The following CNTN4 variants were observed in gnomAD, a reference collection of about 807,000 sequenced individuals.
CNTN4 encodes the protein contactin-4.
In CNTN4, 77 loss-of-function variants were observed where a neutral mutation model predicts 122.5. The ratio of observed to expected loss-of-function variants is 0.63; its 90% CI spans 0.52 to 0.76. The LOEUF is 0.76. Among genes scored for constraint, CNTN4 ranks in the 30% least tolerant of loss-of-function variants. The probability of loss-of-function intolerance (pLI) is 0.00; values close to 1 mark genes in which losing one functional copy is unlikely to be tolerated. For missense variants in CNTN4, 1,256 were observed against 1,259.1 expected (o/e 1.00, Z 0.04); for synonymous variants, 512 against 447.0 (o/e 1.15, Z -1.83).
intron 2 of CNTN4, among the ~76,000 whole-genome samples, chr3:2,137,760 C>T (rs2034771750): frequency 6.6e-6 from 1 of 152,152 alleles, no homozygotes; most frequent in Non-Finnish European, 1.5e-5. Flanking sequence ...ATAGGGCAGT[C>T]AGTCTTGGAA....
chr3:3,042,917 T>A, intron 21 of CNTN4, 60 bp from the exon 22 acceptor site: 3 of 1,363,988 alleles, frequency 2.2e-6, no homozygotes, highest in Non-Finnish European at 3.1e-6. Flanking sequence ...AATTACCTGA[T>A]GACATTGCAA....
intron 3 of CNTN4, among the ~76,000 whole-genome samples, chr3:2,469,708 A>G (rs1416836486): frequency 6.6e-6 from 1 of 152,200 alleles, no homozygotes; most frequent in African/African-American, 2.4e-5. Flanking sequence ...GTGTCAGTAC[A>G]AAAACAGGCC....
chr3:2,495,817 G>A lies in CNTN4; in HGVS notation c.-88-75599G>A, dbSNP rs145120091. Among the ~76,000 whole-genome samples the A allele has an allele frequency of 2.7e-3, 405 of 152,294 alleles. 5 individuals are homozygous for A. The highest frequency in any genetic ancestry group is 0.026 in the South Asian group (127 of 4,826). On this transcript the variant is annotated intron_variant, in intron 3 of 24. Transcript: ENST00000418658. Reference sequence around the variant, plus strand: ...GAAACCAGTCCCTGCTGCCAAAAAGGTTGGGGACCACTGGTTGAAAACATA... The same window carrying A: ...GAAACCAGTCCCTGCTGCCAAAAAGATTGGGGACCACTGGTTGAAAACATA...
chr3:2,387,147 T>C (rs1339482081), intron 3 of CNTN4, among the ~76,000 whole-genome samples: 1 of 152,202 alleles, frequency 6.6e-6, no homozygotes, highest in Admixed American at 6.5e-5. Context: ...ACTTATCTGA[T>C]AGTAAATATA....
At chr3:2,936,694 T>C (rs2094570077) in intron 13 of CNTN4, among the ~76,000 whole-genome samples, 4 of 152,182 alleles carry the variant, frequency 2.6e-5, no homozygotes, top group Admixed American at 1.3e-4. Flanking sequence ...GAAATGCTCT[T>C]ATCCAGGCCT....
At chr3:2,844,746 G>T (rs2093426088) in intron 7 of CNTN4, among the ~76,000 whole-genome samples, 1 of 152,146 alleles carries the variant, frequency 6.6e-6, no homozygotes, top group South Asian at 2.1e-4. Context: ...GGTCTAATCA[G>T]CAAGAGTCTA....
intron 13 of CNTN4, among the ~76,000 whole-genome samples, chr3:2,930,060 T>C (rs1312913218): frequency 1.3e-5 from 2 of 152,164 alleles, no homozygotes; most frequent in South Asian, 4.1e-4. Context: ...CATTTTTGGT[T>C]TCACTTTGTG....
intron 6 of CNTN4, among the ~76,000 whole-genome samples, chr3:2,772,913 G>A (rs775623313): frequency 6.6e-6 from 1 of 152,180 alleles, no homozygotes; most frequent in Non-Finnish European, 1.5e-5. Flanking sequence ...GAAGAGAAGA[G>A]ATAGGAATCA....
chr3:2,654,484 T>G (rs1234826377), intron 4 of CNTN4, among the ~76,000 whole-genome samples: 2 of 152,220 alleles, frequency 1.3e-5, no homozygotes, highest in African/African-American at 4.8e-5. Context: ...TTTTTTCTCA[T>G]GCTTTTATAT....
intron 3 of CNTN4, among the ~76,000 whole-genome samples, chr3:2,417,331 A>G (rs967574746): frequency 6.6e-6 from 1 of 152,206 alleles, no homozygotes; most frequent in African/African-American, 2.4e-5. Flanking sequence ...TTTCTAATGT[A>G]TTGAGAACAA....
At chr3:2,839,153 T>A (rs573001832) in intron 7 of CNTN4, among the ~76,000 whole-genome samples, 2 of 152,200 alleles carry the variant, frequency 1.3e-5, no homozygotes, top group Non-Finnish European at 1.5e-5. Context: ...ACCTTGGAAA[T>A]AGAGGCCAAT....
intron 3 of CNTN4, among the ~76,000 whole-genome samples, chr3:2,420,037 C>T (rs2047557519): frequency 1.3e-5 from 2 of 152,172 alleles, no homozygotes; most frequent in African/African-American, 2.4e-5. Context: ...CATGTAGAGT[C>T]AGGGAATTTG....
chr3:2,325,775 A>G (rs2043433945), intron 2 of CNTN4, among the ~76,000 whole-genome samples: 1 of 152,240 alleles, frequency 6.6e-6, no homozygotes, highest in Non-Finnish European at 1.5e-5. Flanking sequence ...ATTTGAAACG[A>G]TTGTGATTTA....
chr3:2,422,193 A>C (rs182404141), intron 3 of CNTN4, among the ~76,000 whole-genome samples: 2 of 152,348 alleles, frequency 1.3e-5, no homozygotes, highest in East Asian at 3.9e-4. Flanking sequence ...AATGCAGACC[A>C]ATTTCTGAAG....
rs543848847 is a variant in CNTN4 at position 2,370,537 on chromosome 3, T to G, written c.-89+31304T>G. Among the ~76,000 whole-genome samples, 4 of 152,286 alleles carry G rather than the reference T, an allele frequency of 2.6e-5. No homozygotes were observed. The East Asian group carries it at 7.7e-4, about 29-fold the overall frequency. On this transcript the variant is annotated intron_variant, in intron 3 of 24. Transcript: ENST00000418658. ...CCCTACTGATTTTGTTCCTGTTTGA[T>G]CTGACAACATTGGAATGACAGCTGC... is the stretch of plus-strand genomic sequence containing the variant.
intron 13 of CNTN4, among the ~76,000 whole-genome samples, chr3:2,971,975 A>G (rs1282164286): frequency 6.6e-6 from 1 of 152,208 alleles, no homozygotes; most frequent in African/African-American, 2.4e-5. Flanking sequence ...ATTATGCTGG[A>G]GATAGGTATT....
chr3:2,194,645 G>A (rs1208993403), intron 2 of CNTN4, among the ~76,000 whole-genome samples: 1 of 152,098 alleles, frequency 6.6e-6, no homozygotes, highest in Non-Finnish European at 1.5e-5. Context: ...TGTCATACTG[G>A]AGTAGGGTGG....
chr3:2,348,035 A>G (rs1196361403), intron 3 of CNTN4, among the ~76,000 whole-genome samples: 8 of 151,888 alleles, frequency 5.3e-5, no homozygotes, highest in African/African-American at 1.5e-4. Context: ...ATTTCCACAT[A>G]TAGTTCGTAA....
chr3:2,834,747 TA>T (rs2093179699), intron 7 of CNTN4, among the ~76,000 whole-genome samples: 1 of 151,950 alleles, frequency 6.6e-6, no homozygotes, highest in African/African-American at 2.4e-5. Context: ...CAGATTGAGT[TA>T]AAAATATGAT....
Sources: allele counts gnomAD v4.1 joint callset (sites outside exome capture counted in the v4.1 genomes callset), GRCh38; gene constraint gnomAD v4.1.1; transcripts MANE v1.5; gene names NCBI Gene and HGNC (gene_info 2026-07-23, HGNC 2026-07-21).